DCTN4: variants seen among roughly 807,000 people sequenced by gnomAD.
DCTN4 encodes dynactin subunit 4, also known as dynactin 4 (p62).
In DCTN4, 23 loss-of-function variants were observed where a neutral mutation model predicts 62.7. The observed-to-expected ratio is 0.37, with a 90% CI of 0.26 to 0.52. The LOEUF (loss-of-function observed/expected upper bound fraction) is 0.52, where lower values mean the gene tolerates loss of function less well. Ranked by LOEUF, DCTN4 falls within the 20% of genes least tolerant of loss-of-function variation. The probability of loss-of-function intolerance (pLI) is 0.92; values close to 1 mark genes in which losing one functional copy is unlikely to be tolerated. For synonymous variants in DCTN4, 199 were observed against 202.1 expected, an observed-to-expected ratio of 0.98 and a Z score of 0.13; for missense variants, 514 against 580.4, an observed-to-expected ratio of 0.89 and a Z score of 1.18.
intron 12 of DCTN4, among the ~76,000 whole-genome samples, chr5:150,714,414 T>C (rs562165744): frequency 2.0e-5 from 3 of 152,038 alleles, no homozygotes; most frequent in Admixed American, 2.0e-4. Context: ...GGTATCACTC[T>C]GTTGCCCAGG....
rs1759893249 is a variant in DCTN4 at position 150,719,765 on chromosome 5, T to C, written c.914A>G (p.Tyr305Cys). Residue 305 changes from tyrosine to cysteine, a missense_variant, in exon 10 of 13, where the codon TAT becomes TGT. Physicochemically the swap from Tyr to Cys is radical, Grantham distance 194 (BLOSUM62 -2). Transcript: ENST00000447998. Reference sequence around the variant, plus strand: ...TGACATGATTCTCACTTCTGGAATATAATTGCTGTGCATAAATAAAAAAAT... The same window carrying C: ...TGACATGATTCTCACTTCTGGAATACAATTGCTGTGCATAAATAAAAAAAT... ...KFKIQLVAVN[Y>C]IPEVRIMSIP... is the part of the protein sequence containing the mutation. 1 of 1,605,920 alleles carries C rather than the reference T, an allele frequency of 6.2e-7. No homozygotes were observed. Among genetic ancestry groups the C allele is most frequent in the Admixed American group, 1.7e-5 (1 of 59,598 alleles).
At chr5:150,715,943 G>A (rs372718842) in intron 11 of DCTN4, among the ~76,000 whole-genome samples, 10 of 151,928 alleles carry the variant, frequency 6.6e-5, no homozygotes, top group Non-Finnish European at 8.8e-5. Context: ...TCACTCTGTC[G>A]CCCAGGCTAG....
At chr5:150,746,802 GC>G (rs1459709738) in intron 3 of DCTN4, among the ~76,000 whole-genome samples, 4 of 152,106 alleles carry the variant, frequency 2.6e-5, no homozygotes, top group Non-Finnish European at 4.4e-5. Flanking sequence ...AATAATAACA[GC>G]TATCTATCAC....
intron 3 of DCTN4, among the ~76,000 whole-genome samples, chr5:150,752,128 C>A (rs1363709188): frequency 6.6e-6 from 1 of 152,060 alleles, no homozygotes; most frequent in Non-Finnish European, 1.5e-5. Flanking sequence ...AGTGATGCTA[C>A]TACTTATATA....
intron 4 of DCTN4, among the ~76,000 whole-genome samples, chr5:150,738,192 A>C (rs947736348): frequency 7.9e-5 from 12 of 152,212 alleles, no homozygotes; most frequent in Non-Finnish European, 1.6e-4. Context: ...TCAGACATTC[A>C]AAGAATAATT....
chr5:150,753,971 T>C (rs1478462247), intron 2 of DCTN4, among the ~76,000 whole-genome samples: 2 of 152,178 alleles, frequency 1.3e-5, no homozygotes, highest in African/African-American at 4.8e-5. Context: ...AAGAGAACTG[T>C]CACAGCTTAT....
At chr5:150,753,250 C>T (rs1752741840) in intron 3 of DCTN4, among the ~76,000 whole-genome samples, 2 of 152,132 alleles carry the variant, frequency 1.3e-5, no homozygotes, top group Admixed American at 6.5e-5. Context: ...AAGAAAGTAC[C>T]AGATTTATAA....
intron 8 of DCTN4, among the ~76,000 whole-genome samples, chr5:150,723,604 G>A (rs1294021304): frequency 2.6e-5 from 4 of 152,204 alleles, no homozygotes; most frequent in African/African-American, 9.7e-5. Context: ...AAAGTGCTGG[G>A]ATTACAGGCA....
chr5:150,712,745 T>C (rs1759615750), intron 12 of DCTN4, among the ~76,000 whole-genome samples: 1 of 152,228 alleles, frequency 6.6e-6, no homozygotes, highest in Non-Finnish European at 1.5e-5. Context: ...CCCTCATTTG[T>C]GCATACAGTT....
At chr5:150,747,662 C>T (rs929366108) in intron 3 of DCTN4, among the ~76,000 whole-genome samples, 9 of 151,706 alleles carry the variant, frequency 5.9e-5, no homozygotes, top group East Asian at 1.9e-4. Flanking sequence ...TGATCTTTGA[C>T]GAACCTGAGA....
intron 9 of DCTN4, among the ~76,000 whole-genome samples, chr5:150,720,778 T>A (rs1306032633): frequency 6.6e-6 from 1 of 152,206 alleles, no homozygotes; most frequent in Non-Finnish European, 1.5e-5. Context: ...ACACCTGGCC[T>A]CAGAGCATCT....
intron 3 of DCTN4, among the ~76,000 whole-genome samples, chr5:150,744,288 T>C (rs1208812492): frequency 1.3e-5 from 2 of 152,038 alleles, no homozygotes; most frequent in South Asian, 2.1e-4. Context: ...TATGGGACTA[T>C]GTGAAAAGAC....
chr5:150,749,206 T>C (rs1177801817), intron 3 of DCTN4, among the ~76,000 whole-genome samples: 1 of 152,128 alleles, frequency 6.6e-6, no homozygotes, highest in Non-Finnish European at 1.5e-5. Context: ...GCAAAACATA[T>C]ATTCAACAAT....
chr5:150,732,024 AT>A, intron 5 of DCTN4: 1 of 871,688 alleles, frequency 1.1e-6, no homozygotes, highest in Non-Finnish European at 1.9e-6. Flanking sequence ...AATTCATTTA[AT>A]TCAAATTCTA....
At chr5:150,749,661 AT>A (rs61482638) in intron 3 of DCTN4, among the ~76,000 whole-genome samples, 21,444 of 151,208 alleles carry the variant, frequency 0.14, 2,737 homozygotes, top group African/African-American at 0.34. Flanking sequence ...ACTTTAAAAA[AT>A]AAAAAAAAAT....
At chr5:150,734,169 T>C (rs1760490703) in intron 4 of DCTN4, 1 of 152,102 alleles carries the variant, frequency 6.6e-6, no homozygotes, top group African/African-American at 2.4e-5. Context: ...GAACAACATG[T>C]GGAGACTCAC....
intron 9 of DCTN4, among the ~76,000 whole-genome samples, chr5:150,720,481 ATTT>A (rs57503750): frequency 5.0e-5 from 7 of 139,362 alleles, no homozygotes; most frequent in African/African-American, 5.2e-5. Context: ...AGAGCTCTGT[ATTT>A]TTTTTTTTTT....
chr5:150,711,125 G>C lies in DCTN4; in HGVS notation c.*24C>G. The C allele has an allele frequency of 6.2e-7, 1 of 1,605,776 alleles. No homozygotes were observed. ...AGGTTTACGGTGATACTGTCCTTTG[G>C]GATCTGCCCTCCAGTGGAACCTTTT... On this transcript the variant is annotated 3_prime_UTR_variant, in exon 13 of 13. Transcript: ENST00000447998.
Position 150,753,641 on chromosome 5 carries a change from C to A in DCTN4, c.223G>T (p.Asp75Tyr), listed in dbSNP as rs781264308. 6.2e-7 allele frequency: 1 copy of A among 1,612,260 alleles called. No homozygotes were observed. Among genetic ancestry groups the A allele is most frequent in the South Asian group, 1.1e-5 (1 of 90,888 alleles). The change falls in exon 3 of 13, where the codon GAC (aspartate) becomes TAC (tyrosine). Residue 75 changes from aspartate to tyrosine, a missense_variant. Coordinates refer to ENST00000447998, the MANE Select transcript of DCTN4 (RefSeq NM_016221.4). ...LKKNRCANCF[D>Y]CPGCMHTLST... Reference sequence around the variant, plus strand: ...AGGGTGTGCATGCAGCCAGGACAGTCAAAACAATTGGCACATCTGTGACAT... The same window carrying A: ...AGGGTGTGCATGCAGCCAGGACAGTAAAAACAATTGGCACATCTGTGACAT...
Sources: gnomAD v4.1 joint callset for allele counts (sites outside exome capture counted in the v4.1 genomes callset) on GRCh38, gnomAD v4.1.1 for gene constraint, MANE v1.5 for transcripts, NCBI Gene and HGNC (gene_info 2026-07-23, HGNC 2026-07-21) for gene names.